Variants in ARHGEF12 observed in about 807,000 individuals in gnomAD.
ARHGEF12 encodes KMT2A/ARHGEF12 fusion protein.
Under a neutral mutation model 211.2 loss-of-function variants are expected in ARHGEF12, and 66 were observed. That is an observed-to-expected ratio of 0.31 (90% CI 0.26 to 0.38). ARHGEF12 has a LOEUF of 0.38. ARHGEF12 is among the 10% of genes least tolerant of loss of function. The pLI is 1.00. For missense variants in ARHGEF12, 1,429 were observed against 1,869.5 expected (o/e 0.76, Z 4.34); for synonymous variants, 592 against 638.4 (o/e 0.93, Z 1.09).
At chr11:120,380,532 C>A (rs1448010228) in intron 1 of ARHGEF12, among the ~76,000 whole-genome samples, 1 of 152,202 alleles carries the variant, frequency 6.6e-6, no homozygotes, top group Non-Finnish European at 1.5e-5. Flanking sequence ...GCCCCCCAGT[C>A]TGCGTTTGCT....
intron 1 of ARHGEF12, among the ~76,000 whole-genome samples, chr11:120,339,560 G>C (rs1233262290): frequency 6.6e-6 from 1 of 152,204 alleles, no homozygotes; most frequent in Non-Finnish European, 1.5e-5. Context: ...AGTTTGAAGT[G>C]CTGTATGTGG....
At chr11:120,446,635 C>G in intron 17 of ARHGEF12, 127 bp downstream of exon 17, 1 of 739,844 alleles carries the variant, frequency 1.4e-6, no homozygotes, top group South Asian at 2.1e-5. Context: ...GTTATTAAAA[C>G]ATAATGAACA....
At chr11:120,431,016 G>A (rs566960599) in intron 10 of ARHGEF12, among the ~76,000 whole-genome samples, 38 of 152,164 alleles carry the variant, frequency 2.5e-4, no homozygotes, top group African/African-American at 7.9e-4. Flanking sequence ...CTGGCCAGGC[G>A]CAGTGGCTCA....
chr11:120,384,141 A>T (rs999365562), intron 1 of ARHGEF12, among the ~76,000 whole-genome samples: 1 of 152,156 alleles, frequency 6.6e-6, no homozygotes, highest in African/African-American at 2.4e-5. Flanking sequence ...TTTTTAGCAA[A>T]TCTAGACTAT....
intron 4 of ARHGEF12, among the ~76,000 whole-genome samples, chr11:120,419,804 A>G (rs904600869): frequency 3.3e-5 from 5 of 152,056 alleles, no homozygotes; most frequent in African/African-American, 1.2e-4. Context: ...TTTATTTTCT[A>G]TTCATTATCT....
At chr11:120,367,437 C>T (rs2135394041) in intron 1 of ARHGEF12, among the ~76,000 whole-genome samples, 1 of 124,328 alleles carries the variant, frequency 8.0e-6, no homozygotes, top group East Asian at 2.6e-4. Flanking sequence ...GTGATCTTGG[C>T]TCACTGCAAC....
chr11:120,482,729 A>C (rs542533675), intron 39 of ARHGEF12, among the ~76,000 whole-genome samples: 1 of 148,434 alleles, frequency 6.7e-6, no homozygotes, highest in East Asian at 2.1e-4. Flanking sequence ...TGGGTGACAG[A>C]GCGAGACTCT....
chr11:120,401,077 C>T (rs549895739), intron 1 of ARHGEF12, among the ~76,000 whole-genome samples: 1 of 152,246 alleles, frequency 6.6e-6, no homozygotes, highest in Admixed American at 6.5e-5. Flanking sequence ...GCCAGCTCTC[C>T]TAGCCGCTTT....
intron 33 of ARHGEF12, 86 bp from the exon 34 acceptor site, chr11:120,476,575 G>A: frequency 1.2e-6 from 1 of 835,636 alleles, no homozygotes; most frequent in South Asian, 2.2e-5. Context: ...CTAGTTTAAG[G>A]GGCAGACTAT....
intron 1 of ARHGEF12, among the ~76,000 whole-genome samples, chr11:120,366,896 A>G (rs550711268): frequency 2.9e-4 from 44 of 152,266 alleles, no homozygotes; most frequent in African/African-American, 1.0e-3. Context: ...CACGCCTGCA[A>G]TCCCAGCTAC....
At chr11:120,462,779 C>T (rs1488570111) in intron 27 of ARHGEF12, 2 of 152,158 alleles carry the variant, frequency 1.3e-5, no homozygotes, top group Non-Finnish European at 2.9e-5. Context: ...GTATTGTTTC[C>T]TTAAGATCAC....
At chr11:120,421,720 A>G (rs1945198293) in intron 5 of ARHGEF12, 83 bp from the exon 6 acceptor site, 1 of 1,305,046 alleles carries the variant, frequency 7.7e-7, no homozygotes, top group South Asian at 1.2e-5. Flanking sequence ...GTTTTTAACC[A>G]GTTTGTTATA....
In ARHGEF12 at chr11:120,485,193, A is replaced by C. The variant is rs952533472; in HGVS notation, c.*116A>C. On this transcript the variant is annotated 3_prime_UTR_variant, in exon 41 of 41. Coordinates refer to ENST00000397843, the MANE Select transcript of ARHGEF12 (RefSeq NM_015313.3). Reference sequence around the variant, plus strand: ...GAGTGTGACAGAGGATCTGCCTGTGAACCACCTGGGATTAGTCAAGTCCCA... The same window carrying C: ...GAGTGTGACAGAGGATCTGCCTGTGCACCACCTGGGATTAGTCAAGTCCCA... 2 of 1,375,608 alleles carry C rather than the reference A, an allele frequency of 1.5e-6. No individual in the cohort carries two copies. The highest frequency in any genetic ancestry group is 1.0e-6 in the Non-Finnish European group (1 of 977,082). 85.2% of individuals were successfully genotyped at this position (1,375,608 alleles called of 1,614,324 possible).
Position 120,485,335 on chromosome 11 carries a change from G to C in ARHGEF12, c.*258G>C, listed in dbSNP as rs936126655. The C allele has an allele frequency of 1.4e-5, 6 of 417,336 alleles. No individual in the cohort carries two copies. The highest frequency in any genetic ancestry group is 2.0e-5 in the African/African-American group (1 of 50,388). 25.9% of individuals were successfully genotyped at this position (417,336 alleles called of 1,614,324 possible). On this transcript the variant is annotated 3_prime_UTR_variant, in exon 41 of 41. Transcript: ENST00000397843. ...ACTATCGGAAATTCATTTTGATTCAGAATAAAAACCAAATGTATAGAGCTT... is the reference window on the plus strand; with the variant it reads ...ACTATCGGAAATTCATTTTGATTCACAATAAAAACCAAATGTATAGAGCTT...
chr11:120,430,816 C>T (rs1459869580), intron 10 of ARHGEF12, among the ~76,000 whole-genome samples: 1 of 152,152 alleles, frequency 6.6e-6, no homozygotes, highest in Non-Finnish European at 1.5e-5. Flanking sequence ...CAAGGCCATA[C>T]AGTATGTAAG....
chr11:120,459,162 T>G lies in ARHGEF12; in HGVS notation c.2381-12T>G, dbSNP rs1224819387. 5.6e-6 allele frequency: 9 copies of G among 1,594,706 alleles called. No homozygotes were observed. The South Asian group carries it at 1.0e-4, about 18-fold the overall frequency. On this transcript the variant is annotated splice_polypyrimidine_tract_variant and intron_variant, in intron 25 of 40. Coordinates refer to ENST00000397843, the MANE Select transcript of ARHGEF12 (RefSeq NM_015313.3). ...TAAGTAAGGCAACATTTCATATCTC[T>G]TTCCTGTTCAGAATTGTTCTACACT... is the stretch of plus-strand genomic sequence containing the variant.
At chr11:120,447,196 G>A (rs563199377) in intron 18 of ARHGEF12, 111 bp downstream of exon 18, 18 of 1,214,208 alleles carry the variant, frequency 1.5e-5, no homozygotes, top group African/African-American at 7.8e-5. Flanking sequence ...ATGTGGAGCC[G>A]TTTATTTTGT....
intron 27 of ARHGEF12, chr11:120,464,162 CTT>C (rs1305461870): frequency 1.3e-5 from 2 of 152,232 alleles, no homozygotes; most frequent in Non-Finnish European, 2.9e-5. Context: ...ACACAGAAAA[CTT>C]ACGGCCTGCC....
intron 7 of ARHGEF12, 67 bp from the exon 8 acceptor site, chr11:120,428,002 G>A: frequency 1.5e-6 from 2 of 1,344,042 alleles, no homozygotes; most frequent in Admixed American, 2.4e-5. Context: ...GTAGTAAAAT[G>A]GTATAAAAAG....
Sources: gnomAD v4.1 joint callset for allele counts (sites outside exome capture counted in the v4.1 genomes callset) on GRCh38, gnomAD v4.1.1 for gene constraint, MANE v1.5 for transcripts, NCBI Gene and HGNC (gene_info 2026-07-23, HGNC 2026-07-21) for gene names.